The following FHIT variants were observed in gnomAD, a reference collection of about 807,000 sequenced individuals.
The protein encoded by FHIT is fragile histidine triad diadenosine triphosphatase.
Under a neutral mutation model 17.9 loss-of-function variants are expected in FHIT, and 19 were observed. That is an observed-to-expected ratio of 1.06 (90% confidence interval 0.74 to 1.56). The LOEUF (loss-of-function observed/expected upper bound fraction) is 1.56, where lower values mean the gene tolerates loss of function less well. FHIT is among the 40% of genes most tolerant of loss of function. The pLI, the probability that FHIT is intolerant of heterozygous loss-of-function variation, is 0.00. For missense variants in FHIT, 248 were observed against 189.2 expected (o/e 1.31, Z -1.82); for synonymous variants, 81 against 69.7 (o/e 1.16, Z -0.81).
At chr3:61,008,449 T>C (rs2031586271) in intron 3 of FHIT, among the ~76,000 whole-genome samples, 1 of 151,754 alleles carries the variant, frequency 6.6e-6, no homozygotes, top group Non-Finnish European at 1.5e-5. Context: ...CTCCCTGCAT[T>C]GGGAGAACAA....
At position 59,754,743 on chromosome 3, in the gene FHIT, C is replaced by T. The variant is rs548106920; in HGVS notation, c.349-2422G>A. On this transcript the variant is annotated intron_variant, in intron 8 of 9. Transcript: ENST00000492590. The stretch of plus-strand genomic sequence containing the variant: ...TACAGATGGCAACATTGTGCCAATC[C>T]TTAGAAGAAGTTTTTGGGAAATAAT... Among the ~76,000 whole-genome samples, 4 of 152,274 alleles carry T rather than the reference C, an allele frequency of 2.6e-5. 1 individual carries two copies. The highest frequency in any genetic ancestry group is 9.6e-5 in the African/African-American group (4 of 41,542).
At chr3:60,165,262 T>C (rs1701119998) in intron 5 of FHIT, among the ~76,000 whole-genome samples, 1 of 152,192 alleles carries the variant, frequency 6.6e-6, no homozygotes. Context: ...ATTCAGTGAA[T>C]GAATGAATGC....
intron 9 of FHIT, chr3:59,750,496 TGATCCTTAAAAAAC>T (rs914908514): frequency 8.9e-6 from 2 of 224,744 alleles, no homozygotes; most frequent in Non-Finnish European, 1.8e-5. Context: ...TAAACTAGCT[TGATCCTTAAAAAAC>T]GAGAGAGAGA....
At position 59,986,498 on chromosome 3, in the gene FHIT, AATATATATATATATATAT is replaced by A. The variant is rs74199531; in HGVS notation, c.279+24855_279+24872del. Among the ~76,000 whole-genome samples the A allele has an allele frequency of 7.4e-4, 46 of 62,334 alleles. 2 individuals carry two copies. The highest frequency in any genetic ancestry group is 1.7e-3 in the African/African-American group (24 of 14,190). 40.9% of individuals were successfully genotyped at this position (62,334 alleles called of 152,430 possible). ...CTCTGGGTATGAGAAAGTAGTCCAA[AATATATATATATATATAT>A]ATATATATATATATATATATATATA... is the stretch of plus-strand genomic sequence containing the variant. On this transcript the variant is annotated intron_variant, in intron 7 of 9. Coordinates refer to ENST00000492590, the MANE Select transcript of FHIT (RefSeq NM_002012.4).
At chr3:61,002,624 C>T (rs2031172848) in intron 3 of FHIT, among the ~76,000 whole-genome samples, 1 of 152,160 alleles carries the variant, frequency 6.6e-6, no homozygotes, top group South Asian at 2.1e-4. Context: ...CCCTATCCCC[C>T]AGCCTCTAGT....
In FHIT at chr3:61,210,465, T is replaced by C. The variant is rs548335905; in HGVS notation, c.-212-9800A>G. On this transcript the variant is annotated intron_variant, in intron 1 of 9. Coordinates refer to ENST00000492590, the MANE Select transcript of FHIT (RefSeq NM_002012.4). The stretch of plus-strand genomic sequence containing the variant: ...GTGGTGGGATCCACCCAGAGCGAGC[T>C]TCCTGGTCTCTTTGTTTACCTACTC... Among the ~76,000 whole-genome samples the C allele has an allele frequency of 1.1e-4, 17 of 152,364 alleles. No individual in the cohort carries two copies. In the South Asian group the frequency reaches 3.1e-3, roughly 28 times the overall value.
chr3:60,499,875 T>G (rs1028432701), intron 5 of FHIT, among the ~76,000 whole-genome samples: 1 of 150,422 alleles, frequency 6.6e-6, no homozygotes, highest in Non-Finnish European at 1.5e-5. Flanking sequence ...TCCCTCACTC[T>G]CAATCATACT....
intron 4 of FHIT, among the ~76,000 whole-genome samples, chr3:60,791,653 A>T (rs1025490523): frequency 2.0e-5 from 3 of 152,186 alleles, no homozygotes; most frequent in African/African-American, 7.2e-5. Flanking sequence ...ATGCAGAAAC[A>T]ATATAATACA....
chr3:60,313,808 T>G (rs1033511929), intron 5 of FHIT, among the ~76,000 whole-genome samples: 2 of 152,188 alleles, frequency 1.3e-5, no homozygotes, highest in Non-Finnish European at 2.9e-5. Context: ...GCAAACGGAC[T>G]TTGAAGTTAC....
chr3:61,140,185 C>T (rs1218169331), intron 2 of FHIT, among the ~76,000 whole-genome samples: 1 of 152,108 alleles, frequency 6.6e-6, no homozygotes, highest in Admixed American at 6.5e-5. Context: ...TTCAGTCTTC[C>T]ATAAAACATT....
chr3:60,841,217 G>C (rs1443898161), intron 3 of FHIT, among the ~76,000 whole-genome samples: 1 of 152,188 alleles, frequency 6.6e-6, no homozygotes, highest in Non-Finnish European at 1.5e-5. Flanking sequence ...ATCTAAGATT[G>C]TGGCAGTAAA....
chr3:60,983,442 T>A (rs567172936), intron 3 of FHIT, among the ~76,000 whole-genome samples: 2 of 152,126 alleles, frequency 1.3e-5, no homozygotes, highest in South Asian at 4.1e-4. Flanking sequence ...GGACAATAAG[T>A]CAGGGTAAGA....
intron 4 of FHIT, among the ~76,000 whole-genome samples, chr3:60,725,035 T>C (rs1372578916): frequency 6.6e-6 from 1 of 152,192 alleles, no homozygotes; most frequent in Non-Finnish European, 1.5e-5. Context: ...TGATGGCTAA[T>C]GATGTTGAGC....
chr3:60,424,309 G>A (rs561900516), intron 5 of FHIT, among the ~76,000 whole-genome samples: 3 of 152,156 alleles, frequency 2.0e-5, no homozygotes, highest in East Asian at 3.9e-4. Flanking sequence ...GGAAAATACT[G>A]GCTAATATCG....
intron 3 of FHIT, among the ~76,000 whole-genome samples, chr3:61,036,550 A>G (rs1027243281): frequency 7.9e-5 from 12 of 152,344 alleles, no homozygotes; most frequent in East Asian, 1.9e-4. Context: ...GGCTGGTATT[A>G]TAATGACCTT....
intron 5 of FHIT, among the ~76,000 whole-genome samples, chr3:60,266,735 C>T (rs1706595461): frequency 6.6e-6 from 1 of 151,890 alleles, no homozygotes; most frequent in South Asian, 2.1e-4. Context: ...ACATAGAGTA[C>T]CCCAGCAAAA....
chr3:59,759,191 TGAGA>T (rs1486004817), intron 8 of FHIT, among the ~76,000 whole-genome samples: 1 of 150,688 alleles, frequency 6.6e-6, no homozygotes, highest in Non-Finnish European at 1.5e-5. Flanking sequence ...GCTGGAAGAG[TGAGA>T]GAGAGGACTT....
At chr3:59,840,368 A>T (rs1292128115) in intron 8 of FHIT, among the ~76,000 whole-genome samples, 1 of 149,062 alleles carries the variant, frequency 6.7e-6, no homozygotes, top group Non-Finnish European at 1.5e-5. Flanking sequence ...AGGAAGGTGC[A>T]TCATGTCACC....
At chr3:60,449,783 T>C (rs563506242) in intron 5 of FHIT, among the ~76,000 whole-genome samples, 1 of 151,952 alleles carries the variant, frequency 6.6e-6, no homozygotes, top group Admixed American at 6.6e-5. Flanking sequence ...GGTGGGTGCA[T>C]CACAAGGTCA....
Sources: allele counts gnomAD v4.1 joint callset (sites outside exome capture counted in the v4.1 genomes callset), GRCh38; gene constraint gnomAD v4.1.1; transcripts MANE v1.5; gene names NCBI Gene and HGNC (gene_info 2026-07-23, HGNC 2026-07-21).